Variants in MBOAT4 observed in about 807,000 individuals in gnomAD.
MBOAT4 encodes the protein membrane bound ghrelin O-acyltransferase MBOAT4, also known as membrane-bound ghrelin O-acyltransferase MBOAT4.
Under a neutral mutation model 13.2 loss-of-function variants are expected in MBOAT4, and 11 were observed. The ratio of observed to expected loss-of-function variants is 0.84; its 90% CI spans 0.53 to 1.38. MBOAT4 has a LOEUF of 1.38. Ranked by LOEUF, MBOAT4 falls within the 40% of genes most tolerant of loss-of-function variation. The probability of loss-of-function intolerance (pLI) is 0.00; values close to 1 mark genes in which losing one functional copy is unlikely to be tolerated. For synonymous variants in MBOAT4, 202 were observed against 210.3 expected, an observed-to-expected ratio of 0.96 and a Z score of 0.34; for missense variants, 481 against 527.2, an observed-to-expected ratio of 0.91 and a Z score of 0.86.
chr8:30,143,809 A>C (rs1563223926), intron 1 of MBOAT4, among the ~76,000 whole-genome samples: 1 of 152,342 alleles, frequency 6.6e-6, no homozygotes, highest in East Asian at 1.9e-4. Context: ...AAAATGATAA[A>C]ATTCCATAAA....
Position 30,132,026 on chromosome 8 carries a change from A to C in MBOAT4, c.1225T>G (p.Cys409Gly). The C allele has an allele frequency of 6.4e-7, 1 of 1,551,960 alleles. No individual in the cohort carries two copies. The highest frequency in any genetic ancestry group is 1.2e-5 in the South Asian group (1 of 84,058). ...VRSLSSLWLLCNSYNSVFPMV... is the reference protein window; with the variant it reads ...VRSLSSLWLLGNSYNSVFPMV... The stretch of plus-strand genomic sequence containing the variant: ...GGAAAGACACTGTTGTACGAATTAC[A>C]GAGCAACCAGAGAGAGGAGAGACTC... Residue 409 changes from cysteine (C) to glycine (G), a missense_variant, in exon 3 of 3, where the codon TGT becomes GGT. Coordinates refer to ENST00000320542, the MANE Select transcript of MBOAT4 (RefSeq NM_001100916.2).
At chr8:30,142,140 G>A (rs1249592114) in intron 1 of MBOAT4, among the ~76,000 whole-genome samples, 3 of 152,230 alleles carry the variant, frequency 2.0e-5, no homozygotes, top group South Asian at 4.1e-4. Flanking sequence ...GTGACTTAGC[G>A]ATTGCATATT....
chr8:30,138,669 G>A lies in MBOAT4; in HGVS notation c.207C>T (p.Cys69=), dbSNP rs146814142. The A allele has an allele frequency of 1.7e-5, 26 of 1,551,118 alleles. No individual in the cohort carries two copies. The highest frequency in any genetic ancestry group is 2.4e-5 in the South Asian group (2 of 84,038). The stretch of plus-strand genomic sequence containing the variant: ...CCAGGGAACAGAGGAGAGCCACAGC[G>A]CAGACAGCAGGGGTGAAGACGAGCA... The part of the protein sequence containing the change: ...YAVLVFTPAV[C]AVALLCSLAP... The change falls in exon 2 of 3, where the codon TGC becomes TGT. Residue 69 remains cysteine, a synonymous_variant. Coordinates refer to ENST00000320542, the MANE Select transcript of MBOAT4 (RefSeq NM_001100916.2).
Position 30,131,899 on chromosome 8 carries a change from T to G in MBOAT4, c.*44A>C. 1 of 1,501,680 alleles carries G rather than the reference T, an allele frequency of 6.7e-7. No homozygotes were observed. Among genetic ancestry groups the G allele is most frequent in the African/African-American group, 1.4e-5 (1 of 71,556 alleles). 93.0% of individuals were successfully genotyped at this position (1,501,680 alleles called of 1,614,324 possible). On this transcript the variant is annotated 3_prime_UTR_variant, in exon 3 of 3. Coordinates refer to ENST00000320542, the MANE Select transcript of MBOAT4 (RefSeq NM_001100916.2). ...TATCGATGCGTCATCTGGCACTTTCTAAAATGTTTCCTGGGTGTTTAAGGT... is the reference window on the plus strand; with the variant it reads ...TATCGATGCGTCATCTGGCACTTTCGAAAATGTTTCCTGGGTGTTTAAGGT...
Position 30,132,286 on chromosome 8 carries a change from C to G in MBOAT4, c.965G>C (p.Ser322Thr). 6.4e-7 allele frequency: 1 copy of G among 1,551,794 alleles called. No individual in the cohort carries two copies. The highest frequency in any genetic ancestry group is 1.2e-5 in the South Asian group (1 of 84,062). Residue 322 changes from serine (S) to threonine (T), a missense_variant, in exon 3 of 3, where the codon AGC becomes ACC. By Grantham distance (58) the Ser-to-Thr change is moderately conservative. Transcript: ENST00000320542. Reference protein sequence around the residue: ...RWLRRLVFQHSRAWPLLQTFA... With the variant: ...RWLRRLVFQHTRAWPLLQTFA... ...TGTCTGCAACAACGGCCAAGCCCTG[C>G]TGTGCTGGAATACAAGCCGTCGGAG...
chr8:30,137,943 T>C (rs938410553), intron 2 of MBOAT4: 1 of 205,674 alleles, frequency 4.9e-6, no homozygotes, highest in East Asian at 1.2e-4. Flanking sequence ...GCTTGAGATG[T>C]TTTGTAGACC....
rs1803165796 is a variant in MBOAT4, at chr8:30,137,163, C to T, written c.344+1369G>A. 5.9e-6 allele frequency: 5 copies of T among 846,788 alleles called. No homozygotes were observed. The South Asian group carries it at 8.4e-5, about 14-fold the overall frequency. The allele number at this position is 846,788 out of a possible 1,614,324, so 52.5% of individuals were successfully genotyped here. On this transcript the variant is annotated intron_variant, in intron 2 of 2. Transcript: ENST00000320542. ...TGTGATCACCAGAGAGAGCCAGGAACATGAGATCTCCAGATCACAAAGCAA... is the reference window on the plus strand; with the variant it reads ...TGTGATCACCAGAGAGAGCCAGGAATATGAGATCTCCAGATCACAAAGCAA...
chr8:30,140,098 T>C (rs1226267466), intron 1 of MBOAT4, among the ~76,000 whole-genome samples: 1 of 152,090 alleles, frequency 6.6e-6, no homozygotes, highest in Non-Finnish European at 1.5e-5. Flanking sequence ...AGTGCAGAGG[T>C]GCGATGTTGC....
At position 30,132,313 on chromosome 8, in the gene MBOAT4, C is replaced by T; in HGVS notation, c.938G>A (p.Trp313Ter). ...GTGCTGGAATACAAGCCGTCGGAGCCATCGAGCTGTGCTTTGGTTCCACTT... is the reference window on the plus strand; with the variant it reads ...GTGCTGGAATACAAGCCGTCGGAGCTATCGAGCTGTGCTTTGGTTCCACTT... The part of the protein sequence containing the change: ...SRKWNQSTAR[W>*]LRRLVFQHSR... Residue 313 changes from tryptophan to a stop codon, truncating the protein, a stop_gained, in exon 3 of 3, where the codon TGG (tryptophan) becomes TAG (stop). Transcript: ENST00000320542. LOFTEE classifies it low-confidence loss of function (END_TRUNC). 6.4e-7 allele frequency: 1 copy of T among 1,551,750 alleles called. No homozygotes were observed. Among genetic ancestry groups the T allele is most frequent in the African/African-American group, 1.4e-5 (1 of 73,180 alleles).
chr8:30,133,089 TA>T (rs1210457829), intron 2 of MBOAT4, among the ~76,000 whole-genome samples, 183 bp from the exon 3 acceptor site: 1 of 152,190 alleles, frequency 6.6e-6, no homozygotes, highest in Non-Finnish European at 1.5e-5. Context: ...CTTATTTATT[TA>T]TTTTTTTATA....
intron 2 of MBOAT4, chr8:30,138,317 C>G: frequency 2.1e-6 from 1 of 473,552 alleles, no homozygotes; most frequent in Non-Finnish European, 3.8e-6. Flanking sequence ...GTTACACTAA[C>G]ATTCACAACA....
At chr8:30,143,340 T>G (rs1803292928) in intron 1 of MBOAT4, among the ~76,000 whole-genome samples, 1 of 7,248 alleles carries the variant, frequency 1.4e-4, no homozygotes, top group African/African-American at 4.4e-4. Flanking sequence ...AGAGCGAGAC[T>G]CCGTCTCAAA....
chr8:30,131,972 A>G lies in MBOAT4; in HGVS notation c.1279T>C (p.Leu427=), dbSNP rs143824324. 5.6e-5 allele frequency: 87 copies of G among 1,549,658 alleles called. No individual in the cohort carries two copies. Among genetic ancestry groups the G allele is most frequent in the Non-Finnish European group, 6.0e-5 (69 of 1,145,362 alleles). The change falls in exon 3 of 3, where the codon TTG becomes CTG. Residue 427 remains leucine, a synonymous_variant. Coordinates refer to ENST00000320542, the MANE Select transcript of MBOAT4 (RefSeq NM_001100916.2). ...PMVYCILLLL[L]AKRKHKCN ...TTACATTTGTGCTTTCTCTTCGCCAATAGCAAAAGCAGAATACAGTACACC... is the reference window on the plus strand; with the variant it reads ...TTACATTTGTGCTTTCTCTTCGCCAGTAGCAAAAGCAGAATACAGTACACC...
intron 2 of MBOAT4, among the ~76,000 whole-genome samples, chr8:30,136,386 A>C (rs1048281337): frequency 1.3e-5 from 2 of 152,226 alleles, no homozygotes; most frequent in Non-Finnish European, 2.9e-5. Context: ...TGGCCTCAGA[A>C]GAACCCAGCC....
chr8:30,139,220 T>C (rs1803217439), intron 1 of MBOAT4, among the ~76,000 whole-genome samples: 1 of 151,846 alleles, frequency 6.6e-6, no homozygotes. Flanking sequence ...CCCAAAATCC[T>C]ACAATTGCAG....
intron 2 of MBOAT4, among the ~76,000 whole-genome samples, chr8:30,136,649 C>A (rs772435263): frequency 6.6e-6 from 1 of 152,140 alleles, no homozygotes; most frequent in African/African-American, 2.4e-5. Context: ...GTACTTCCTA[C>A]GCCCCACCCA....
At chr8:30,141,384 C>T (rs577479601) in intron 1 of MBOAT4, among the ~76,000 whole-genome samples, 18 of 152,238 alleles carry the variant, frequency 1.2e-4, no homozygotes, top group Non-Finnish European at 2.5e-4. Context: ...CTTGTAATCC[C>T]AGCACTTTGG....
chr8:30,144,406 G>A, intron 1 of MBOAT4, 77 bp downstream of exon 1: 2 of 1,098,958 alleles, frequency 1.8e-6, no homozygotes, highest in Non-Finnish European at 2.6e-6. Context: ...AAATTGCAGG[G>A]ATTACGGGCG....
At chr8:30,138,838 C>T in intron 1 of MBOAT4, 82 bp from the exon 2 acceptor site, 1 of 1,106,646 alleles carries the variant, frequency 9.0e-7, no homozygotes, top group East Asian at 2.6e-5. Flanking sequence ...TCCAGGGAAC[C>T]CGATCTGGTA....
Sources: gnomAD v4.1 joint callset for allele counts (sites outside exome capture counted in the v4.1 genomes callset) on GRCh38, gnomAD v4.1.1 for gene constraint, MANE v1.5 for transcripts, NCBI Gene and HGNC (gene_info 2026-07-23, HGNC 2026-07-21) for gene names.